The following ERBB4 variants were observed in gnomAD, a reference collection of about 807,000 sequenced individuals.
The protein encoded by ERBB4 is erb-b2 receptor tyrosine kinase 4.
ERBB4 carries 42 observed loss-of-function variants against 158.0 expected under a neutral mutation model. The ratio of observed to expected loss-of-function variants is 0.27; its 90% CI spans 0.21 to 0.34. The LOEUF (loss-of-function observed/expected upper bound fraction) is 0.34. Ranked by LOEUF, ERBB4 falls within the 10% of genes least tolerant of loss-of-function variation. The pLI is 1.00. For synonymous variants in ERBB4, 583 were observed against 558.7 expected (o/e 1.04, Z -0.61); for missense variants, 1,333 against 1,624.1 (o/e 0.82, Z 3.08).
chr2:212,426,121 T>C (rs2091906070), intron 1 of ERBB4: 1 of 316,064 alleles, frequency 3.2e-6, no homozygotes, highest in African/African-American at 2.3e-5. Flanking sequence ...CTCTAACAAC[T>C]TTGTAAATAT....
chr2:211,643,462 C>T (rs926832126), intron 16 of ERBB4, among the ~76,000 whole-genome samples: 8 of 152,040 alleles, frequency 5.3e-5, no homozygotes, highest in Admixed American at 1.3e-4. Flanking sequence ...TTGGGTGAAG[C>T]CATTACTTTT....
chr2:212,101,566 A>G (rs2079084456), intron 2 of ERBB4, among the ~76,000 whole-genome samples: 1 of 151,868 alleles, frequency 6.6e-6, no homozygotes, highest in Non-Finnish European at 1.5e-5. Flanking sequence ...AATATTCTAA[A>G]GAGCTCAGAG....
intron 2 of ERBB4, among the ~76,000 whole-genome samples, chr2:212,042,381 T>C (rs1472329676): frequency 4.6e-5 from 7 of 152,104 alleles, no homozygotes; most frequent in African/African-American, 1.7e-4. Context: ...ATAGCCATCA[T>C]GAATTATTTT....
chr2:211,786,035 T>C (rs2076155818), intron 4 of ERBB4, among the ~76,000 whole-genome samples: 1 of 152,142 alleles, frequency 6.6e-6, no homozygotes, highest in African/African-American at 2.4e-5. Flanking sequence ...TTTAGACAGA[T>C]GAAGTCTTGA....
chr2:212,207,067 T>C (rs1362984220), intron 1 of ERBB4, among the ~76,000 whole-genome samples: 1 of 152,146 alleles, frequency 6.6e-6, no homozygotes, highest in African/African-American at 2.4e-5. Flanking sequence ...TATAAATGCT[T>C]ATAGTATGTG....
intron 3 of ERBB4, among the ~76,000 whole-genome samples, chr2:211,794,929 T>C (rs1386236512): frequency 3.9e-5 from 6 of 151,926 alleles, no homozygotes; most frequent in African/African-American, 1.4e-4. Context: ...ACTCAAAGTT[T>C]GAAATTTATT....
At chr2:211,747,972 A>G (rs966264806) in intron 5 of ERBB4, among the ~76,000 whole-genome samples, 1 of 152,016 alleles carries the variant, frequency 6.6e-6, no homozygotes, top group African/African-American at 2.4e-5. Context: ...CATCCTATAT[A>G]CTTTAAATCA....
At chr2:212,344,778 G>C (rs2106327284) in intron 1 of ERBB4, among the ~76,000 whole-genome samples, 1 of 152,024 alleles carries the variant, frequency 6.6e-6, no homozygotes, top group South Asian at 2.1e-4. Flanking sequence ...GAGTGTCTAA[G>C]AGTCTAAGAG....
At chr2:212,147,768 T>C (rs1485911397) in intron 1 of ERBB4, among the ~76,000 whole-genome samples, 4 of 152,200 alleles carry the variant, frequency 2.6e-5, no homozygotes, top group Admixed American at 6.5e-5. Context: ...AAAGTTTTGT[T>C]TTGCTGTCAT....
intron 1 of ERBB4, among the ~76,000 whole-genome samples, chr2:212,275,860 C>T (rs2085513714): frequency 6.6e-6 from 1 of 151,722 alleles, no homozygotes; most frequent in Non-Finnish European, 1.5e-5. Flanking sequence ...GCTAAATGCC[C>T]CAATTAAAAG....
chr2:212,245,553 C>G (rs1376130338), intron 1 of ERBB4, among the ~76,000 whole-genome samples: 1 of 152,114 alleles, frequency 6.6e-6, no homozygotes, highest in Non-Finnish European at 1.5e-5. Flanking sequence ...TTCTTGCCAA[C>G]ACTGGGATGA....
At chr2:211,936,447 T>C (rs1433963903) in intron 3 of ERBB4, among the ~76,000 whole-genome samples, 2 of 152,074 alleles carry the variant, frequency 1.3e-5, no homozygotes, top group African/African-American at 4.8e-5. Flanking sequence ...TTCTTATAAA[T>C]ATTCTTCAAA....
chr2:211,927,961 AGT>A (rs2080066161), intron 3 of ERBB4, among the ~76,000 whole-genome samples: 1 of 152,170 alleles, frequency 6.6e-6, no homozygotes, highest in African/African-American at 2.4e-5. Flanking sequence ...GGGGTACATC[AGT>A]GACACTTATT....
intron 2 of ERBB4, among the ~76,000 whole-genome samples, chr2:211,967,251 T>C (rs1037775622): frequency 2.0e-5 from 3 of 152,092 alleles, no homozygotes; most frequent in Admixed American, 6.6e-5. Context: ...TGGGCTATAT[T>C]TGGGGAATAT....
intron 20 of ERBB4, among the ~76,000 whole-genome samples, chr2:211,530,896 G>C (rs904879179): frequency 2.6e-5 from 4 of 151,746 alleles, no homozygotes; most frequent in Non-Finnish European, 5.9e-5. Context: ...CTTCAAAAAA[G>C]AAAACAAAAA....
intron 2 of ERBB4, among the ~76,000 whole-genome samples, chr2:212,005,800 T>C (rs1463769989): frequency 1.3e-5 from 2 of 152,164 alleles, no homozygotes. Context: ...TAAAGATAAC[T>C]CTAAGCTGGG....
intron 2 of ERBB4, among the ~76,000 whole-genome samples, chr2:211,982,516 A>G (rs888638145): frequency 4.6e-5 from 7 of 152,204 alleles, no homozygotes; most frequent in African/African-American, 1.4e-4. Flanking sequence ...GACAAAGAGG[A>G]TATTACCAGA....
intron 1 of ERBB4, among the ~76,000 whole-genome samples, chr2:212,297,581 TGAAAGACACA>T (rs557429364): frequency 3.8e-4 from 57 of 151,936 alleles, no homozygotes; most frequent in African/African-American, 1.3e-3. Flanking sequence ...TAAACCTGAA[TGAAAGACACA>T]GAAAGACTTG....
intron 1 of ERBB4, among the ~76,000 whole-genome samples, chr2:212,311,145 A>G (rs2087027592): frequency 1.3e-5 from 2 of 150,870 alleles, no homozygotes; most frequent in Non-Finnish European, 3.0e-5. Context: ...TAGAAATCCA[A>G]CATTTATTAA....
Sources: allele counts gnomAD v4.1 joint callset (sites outside exome capture counted in the v4.1 genomes callset), GRCh38; gene constraint gnomAD v4.1.1; transcripts MANE v1.5; gene names NCBI Gene and HGNC (gene_info 2026-07-23, HGNC 2026-07-21).